The following VSIG1 variants were observed in gnomAD, a reference collection of about 807,000 sequenced individuals.
The protein encoded by VSIG1 is V-set and immunoglobulin domain containing 1.
Under a neutral mutation model 20.1 loss-of-function variants are expected in VSIG1, and 11 were observed. That is an observed-to-expected ratio of 0.55 (90% CI 0.34 to 0.91). The LOEUF is 0.91. Ranked by LOEUF, VSIG1 falls within the 40% of genes least tolerant of loss-of-function variation. VSIG1 has a pLI of 0.02. For missense variants in VSIG1, 283 were observed against 298.8 expected, an observed-to-expected ratio of 0.95 and a Z score of 0.39; for synonymous variants, 126 against 116.7, an observed-to-expected ratio of 1.08 and a Z score of -0.52.
upstream of VSIG1, among the ~76,000 whole-genome samples, chrX:108,041,339 C>T (rs959564145): frequency 7.2e-5 from 8 of 110,907 alleles, no homozygotes; most frequent in Non-Finnish European, 1.1e-4. Flanking sequence ...AAACTGGAAA[C>T]CATCTAAGAA....
chrX:108,039,838 T>C, the VSIG1 span, among the ~76,000 whole-genome samples: 3 of 111,312 alleles, frequency 2.7e-5, no homozygotes, highest in African/African-American at 9.8e-5. Flanking sequence ...TACCAAGGTT[T>C]TGTCCTGAGC....
At chrX:108,036,478 A>G in the VSIG1 span, among the ~76,000 whole-genome samples, 3 of 111,373 alleles carry the variant, frequency 2.7e-5, no homozygotes, top group Non-Finnish European at 5.7e-5. Context: ...CAATGTACAT[A>G]ATAGGTTGAG....
chrX:108,057,427 T>C (rs190160162), intron 1 of VSIG1, among the ~76,000 whole-genome samples: 17 of 111,984 alleles, frequency 1.5e-4, no homozygotes, highest in Non-Finnish European at 3.0e-4. Context: ...ATGAATAAGG[T>C]CGATAGGTTT....
At position 108,076,089 on chromosome X, in the gene VSIG1, G is replaced by A. The variant is rs768917171; in HGVS notation, c.701G>A (p.Gly234Glu). 1 of 1,210,875 alleles carries A rather than the reference G, an allele frequency of 8.3e-7. No individual in the cohort carries two copies. Among genetic ancestry groups the A allele is most frequent in the East Asian group, 3.0e-5 (1 of 33,843 alleles). ...IDLTSSHPEV[G>E]IIVGALIGSL... ...TTGTATCCTTCAGATCCAGAAGTTGGAATCATTGTTGGGGCCTTGATTGGT... is the reference window on the plus strand; with the variant it reads ...TTGTATCCTTCAGATCCAGAAGTTGAAATCATTGTTGGGGCCTTGATTGGT... The change falls in exon 6 of 7, where the codon GGA becomes GAA. Residue 234 changes from glycine (G) to glutamate (E), a missense_variant. Coordinates refer to ENST00000217957, the MANE Select transcript of VSIG1 (RefSeq NM_182607.5).
At chrX:108,026,452 G>A in the VSIG1 span, among the ~76,000 whole-genome samples, 10 of 111,208 alleles carry the variant, frequency 9.0e-5, no homozygotes, top group Non-Finnish European at 1.7e-4. Flanking sequence ...AAAGCATCTA[G>A]TAAAGCCTGT....
At chrX:108,060,428 A>G (rs1252656071) in intron 2 of VSIG1, among the ~76,000 whole-genome samples, 2 of 110,819 alleles carry the variant, frequency 1.8e-5, no homozygotes, top group Non-Finnish European at 3.8e-5. Flanking sequence ...GGGAGCAATA[A>G]CAACCATCCC....
chrX:108,031,969 G>T, the VSIG1 span, among the ~76,000 whole-genome samples: 1 of 111,844 alleles, frequency 8.9e-6, no homozygotes, highest in Non-Finnish European at 1.9e-5. Flanking sequence ...GCCATTCTCT[G>T]GCCCCATATG....
chrX:108,028,669 T>C, the VSIG1 span, among the ~76,000 whole-genome samples: 1 of 111,292 alleles, frequency 9.0e-6, no homozygotes, highest in Non-Finnish European at 1.9e-5. Context: ...AAAAGGCCTT[T>C]GGATATACAT....
chrX:108,028,550 T>C, the VSIG1 span, among the ~76,000 whole-genome samples: 1 of 110,959 alleles, frequency 9.0e-6, no homozygotes, highest in East Asian at 2.8e-4. Flanking sequence ...GGGCTTGCAA[T>C]GTGAATGCAA....
At chrX:108,073,199 T>G (rs775852742) in intron 4 of VSIG1, 51 bp from the exon 5 acceptor site, 36 of 1,183,254 alleles carry the variant, frequency 3.0e-5, no homozygotes, top group Admixed American at 4.4e-5. Context: ...ACACTGATGT[T>G]ATCTGTATGC....
chrX:108,061,548 A>G, intron 2 of VSIG1: 1 of 1,137,233 alleles, frequency 8.8e-7, no homozygotes, highest in Non-Finnish European at 1.2e-6. Context: ...AAGAACACTT[A>G]TTGGTGTACT....
At chrX:108,033,981 A>G in the VSIG1 span, among the ~76,000 whole-genome samples, 3 of 110,524 alleles carry the variant, frequency 2.7e-5, no homozygotes, top group Non-Finnish European at 5.7e-5. Context: ...AGAAAAAGGA[A>G]GACACAATTT....
rs780770806 is a variant in VSIG1, at chrX:108,075,227, A to G, written c.689-850A>G. Among the ~76,000 whole-genome samples, 3 of 111,511 alleles carry G rather than the reference A, an allele frequency of 2.7e-5. No homozygotes were observed. The South Asian group carries it at 1.1e-3, about 42-fold the overall frequency. On this transcript the variant is annotated intron_variant, in intron 5 of 6. Coordinates refer to ENST00000217957, the MANE Select transcript of VSIG1 (RefSeq NM_182607.5). ...TGAAAGAAAATGATGGAATGGAAAA[A>G]AGGTAGGACATATCAGAGCAAACAT...
intron 1 of VSIG1, among the ~76,000 whole-genome samples, chrX:108,046,786 A>G (rs2030590592): frequency 9.0e-6 from 1 of 111,582 alleles, no homozygotes; most frequent in Non-Finnish European, 1.9e-5. Context: ...GTTTAAAAAA[A>G]TTGTTTAGCA....
rs1027789163 is a variant in VSIG1 at position 108,052,595 on chromosome X, G to A, written c.50-5443G>A. On this transcript the variant is annotated intron_variant, in intron 1 of 6. Coordinates refer to ENST00000217957, the MANE Select transcript of VSIG1 (RefSeq NM_182607.5). ...CACACTACTGCACTCCAACCTGGGTGACAGAGTGAGACCCTGTCTGAAAAC... is the reference window on the plus strand; with the variant it reads ...CACACTACTGCACTCCAACCTGGGTAACAGAGTGAGACCCTGTCTGAAAAC... 8.1e-5 allele frequency among the ~76,000 whole-genome samples: 9 copies of A among 110,918 alleles called. No homozygotes were observed. In the Admixed American group the frequency reaches 8.7e-4, roughly 11 times the overall value.
At chrX:108,047,963 T>TATATATATATATACAC (rs2030683436) in intron 1 of VSIG1, among the ~76,000 whole-genome samples, 2 of 7,951 alleles carry the variant, frequency 2.5e-4, no homozygotes, top group African/African-American at 4.2e-4. Flanking sequence ...TACACACACA[T>TATATATATATATACAC]ATATATATAT....
chrX:108,057,050 C>G (rs1171069700), intron 1 of VSIG1, among the ~76,000 whole-genome samples: 1 of 112,001 alleles, frequency 8.9e-6, no homozygotes, highest in Non-Finnish European at 1.9e-5. Context: ...TCGGGTACTA[C>G]AAATCAATAA....
upstream of VSIG1, among the ~76,000 whole-genome samples, chrX:108,044,286 G>A (rs896135540): frequency 5.4e-5 from 6 of 111,703 alleles, no homozygotes; most frequent in Admixed American, 1.9e-4. Context: ...AGAAGTTCAT[G>A]TTCCCATGAA....
At chrX:108,022,082 C>T in the VSIG1 span, among the ~76,000 whole-genome samples, 1 of 111,598 alleles carries the variant, frequency 9.0e-6, no homozygotes, top group African/African-American at 3.3e-5. Flanking sequence ...GTCGATTTCT[C>T]TAAAAAAGGC....
Sources: allele counts gnomAD v4.1 joint callset (sites outside exome capture counted in the v4.1 genomes callset), GRCh38; gene constraint gnomAD v4.1.1; transcripts MANE v1.5; gene names NCBI Gene and HGNC (gene_info 2026-07-23, HGNC 2026-07-21).